Variants in PLD2 observed in about 807,000 individuals in gnomAD.
The protein encoded by PLD2 is phospholipase D2, also known as choline phosphatase 2.
A neutral mutation model predicts 119.8 loss-of-function variants in PLD2; 101 were observed. The ratio of observed to expected loss-of-function variants is 0.84; its 90% CI spans 0.72 to 0.99. The LOEUF is 0.99. PLD2 is among the 50% of genes least tolerant of loss of function. The pLI, the probability that PLD2 is intolerant of heterozygous loss-of-function variation, is 0.00. For synonymous variants in PLD2, 494 were observed against 482.8 expected (o/e 1.02, Z -0.30); for missense variants, 1,164 against 1,226.8 (o/e 0.95, Z 0.76).
chr17:4,821,981 G>C (rs973532057), intron 24 of PLD2, 74 bp downstream of exon 24: 3 of 912,636 alleles, frequency 3.3e-6, no homozygotes, highest in Non-Finnish European at 5.4e-6. Flanking sequence ...GTAGGATGGA[G>C]AGAAGCGCCA....
Position 4,809,130 on chromosome 17 carries a change from T to G in PLD2, c.414T>G (p.Asp138Glu). The G allele has an allele frequency of 6.2e-7, 1 of 1,614,112 alleles. No individual in the cohort carries two copies. Reference protein sequence around the residue: ...RFAVAYSPARDAGNREMPSLP... With the variant: ...RFAVAYSPAREAGNREMPSLP... ...CCGTTGCCTATTCTCCAGCCCGAGATGCAGGCAACAGAGAGATGCCCTCTC... is the reference window on the plus strand; with the variant it reads ...CCGTTGCCTATTCTCCAGCCCGAGAGGCAGGCAACAGAGAGATGCCCTCTC... The change falls in exon 5 of 25, where the codon GAT (aspartate) becomes GAG (glutamate). Residue 138 changes from aspartate (D) to glutamate (E), a missense_variant. By Grantham distance (45) the Asp-to-Glu change is conservative (BLOSUM62 2). Coordinates refer to ENST00000263088, the MANE Select transcript of PLD2 (RefSeq NM_002663.5).
At chr17:4,818,183 T>A in intron 18 of PLD2, 77 bp downstream of exon 18, 7 of 1,410,232 alleles carry the variant, frequency 5.0e-6, no homozygotes, top group East Asian at 2.3e-5. Flanking sequence ...GTGGAGTCAG[T>A]CATTGAGGGC....
rs777349144 is a variant in PLD2 at position 4,818,336 on chromosome 17, C to T, written c.1960C>T (p.Leu654=). The stretch of plus-strand genomic sequence containing the variant: ...TAGCTGCTCAGATGGGCGGACGGTT[C>T]TGAACAAGGTGGGCGATGAGATTGT... The part of the protein sequence containing the change: ...FISCSDGRTV[L]NKVGDEIVDR... Residue 654 remains leucine, a synonymous_variant, in exon 19 of 25, where the codon CTG becomes TTG. Transcript: ENST00000263088. The T allele has an allele frequency of 5.6e-6, 9 of 1,614,150 alleles. No homozygotes were observed. The South Asian group carries it at 9.9e-5, about 18-fold the overall frequency.
In PLD2 at chr17:4,814,516, G is replaced by A. The variant is rs1454620775; in HGVS notation, c.1094+15G>A. 2 of 1,612,906 alleles carry A rather than the reference G, an allele frequency of 1.2e-6. No individual in the cohort carries two copies. The highest frequency in any genetic ancestry group is 1.7e-6 in the Non-Finnish European group (2 of 1,179,544). On this transcript the variant is annotated intron_variant, in intron 11 of 24. Transcript: ENST00000263088. Reference sequence around the variant, plus strand: ...ACAGACTGGTGGTGAGTGGGAAAAGGCCCCAACAACATGGGGCAGGATAGA... The same window carrying A: ...ACAGACTGGTGGTGAGTGGGAAAAGACCCCAACAACATGGGGCAGGATAGA...
chr17:4,820,380 G>A (rs1400219214), intron 23 of PLD2, among the ~76,000 whole-genome samples: 1 of 149,318 alleles, frequency 6.7e-6, no homozygotes, highest in African/African-American at 2.5e-5. Context: ...CAATTCTTCT[G>A]CCTCAGCCTC....
intron 23 of PLD2, chr17:4,821,534 T>C (rs4790709): frequency 0.55 from 162,068 of 293,028 alleles, 48,041 homozygotes; most frequent in East Asian, 0.92. Context: ...GCTGGGACTA[T>C]AGGCACATGC....
rs913431152 is a variant in PLD2 at position 4,808,579 on chromosome 17, G to C, written c.383+163G>C. ...AAACTTTCCCTGCTCAGCTTTCCCT[G>C]TCCATGGTTCTGTGCCAGCATCTCA... On this transcript the variant is annotated intron_variant, in intron 4 of 24. Transcript: ENST00000263088. The surrounding 1 kb of genome is among the most constrained non-coding windows in gnomAD (Gnocchi z 4.1). 2.6e-5 allele frequency: 18 copies of C among 680,054 alleles called. No homozygotes were observed. Among genetic ancestry groups the C allele is most frequent in the African/African-American group, 5.4e-5 (3 of 55,666 alleles). 42.1% of individuals were successfully genotyped at this position (680,054 alleles called of 1,614,324 possible).
chr17:4,821,441 T>G (rs967355237), intron 23 of PLD2, among the ~76,000 whole-genome samples: 2 of 152,112 alleles, frequency 1.3e-5, no homozygotes, highest in Admixed American at 6.6e-5. Flanking sequence ...GTCACCCAGC[T>G]AGAGTTCAGT....
At chr17:4,821,392 T>TTTTG (rs1283012299) in intron 23 of PLD2, among the ~76,000 whole-genome samples, 6 of 151,962 alleles carry the variant, frequency 3.9e-5, no homozygotes, top group Non-Finnish European at 5.9e-5. Flanking sequence ...TTTATTTTGT[T>TTTTG]TTTGTTTGTT....
intron 10 of PLD2, among the ~76,000 whole-genome samples, chr17:4,811,990 A>AT (rs1050259747): frequency 3.5e-5 from 5 of 144,798 alleles, no homozygotes; most frequent in African/African-American, 5.1e-5. Context: ...AATTAAAAAC[A>AT]TTTTTTTTTA....
At position 4,817,230 on chromosome 17, in the gene PLD2, C is replaced by T; in HGVS notation, c.1786C>T (p.Leu596Phe). 1 of 1,613,362 alleles carries T rather than the reference C, an allele frequency of 6.2e-7. No homozygotes were observed. Among genetic ancestry groups the T allele is most frequent in the Non-Finnish European group, 8.5e-7 (1 of 1,179,324 alleles). The stretch of plus-strand genomic sequence containing the variant: ...CACGGCCAATCAGCTCCCCTTCACA[C>T]TTCCAGGAGGGCAGTGCACCACCGT... ...TSTANQLPFT[L>F]PGGQCTTVQV... Residue 596 changes from leucine (L) to phenylalanine (F), a missense_variant, in exon 17 of 25, where the codon CTT becomes TTT. Leu to Phe is a conservative substitution (Grantham distance 22). Coordinates refer to ENST00000263088, the MANE Select transcript of PLD2 (RefSeq NM_002663.5).
chr17:4,808,310 C>G lies in PLD2; in HGVS notation c.277C>G (p.His93Asp), dbSNP rs1178429456. ...CACTCTGTATTCTGTCCGCTTGACT[C>G]ACGGCGACTTTTCCTGGACAACCAA... ...TCTLYSVRLTHGDFSWTTKKK... is the reference protein window; with the variant it reads ...TCTLYSVRLTDGDFSWTTKKK... The change falls in exon 4 of 25, where the codon CAC becomes GAC. Residue 93 changes from histidine (H) to aspartate (D), a missense_variant. Transcript: ENST00000263088. The surrounding 1 kb of genome is among the most constrained non-coding windows in gnomAD (Gnocchi z 4.1). 1 of 1,613,984 alleles carries G rather than the reference C, an allele frequency of 6.2e-7. No homozygotes were observed. Among genetic ancestry groups the G allele is most frequent in the African/African-American group, 1.3e-5 (1 of 74,918 alleles).
chr17:4,822,727 C>T lies in PLD2; in HGVS notation c.2665C>T (p.Pro889Ser), dbSNP rs200384556. The T allele has an allele frequency of 2.5e-6, 4 of 1,613,762 alleles. No individual in the cohort carries two copies. The highest frequency in any genetic ancestry group is 1.7e-4 in the Middle Eastern group (1 of 6,060). ...VAVEPLATVS[P>S]PLARSELTQV... ...CGTGGAGCCCTTGGCCACGGTCAGT[C>T]CCCCCTTGGCTCGGTCTGAGCTCAC... The change falls in exon 25 of 25, where the codon CCC (proline) becomes TCC (serine). Residue 889 changes from proline to serine, a missense_variant. Coordinates refer to ENST00000263088, the MANE Select transcript of PLD2 (RefSeq NM_002663.5).
At chr17:4,811,204 T>C (rs1906429469) in intron 10 of PLD2, among the ~76,000 whole-genome samples, 1 of 152,074 alleles carries the variant, frequency 6.6e-6, no homozygotes, top group East Asian at 1.9e-4. Flanking sequence ...TATAACCTTT[T>C]AAACCCCTCT....
At position 4,808,986 on chromosome 17, in the gene PLD2, G is replaced by T. The variant is rs1473628959; in HGVS notation, c.384-114G>T. On this transcript the variant is annotated intron_variant, in intron 4 of 24. Coordinates refer to ENST00000263088, the MANE Select transcript of PLD2 (RefSeq NM_002663.5). The surrounding 1 kb of genome is among the most constrained non-coding windows in gnomAD (Gnocchi z 4.1). Reference sequence around the variant, plus strand: ...TGGGATTCCAGGCGTGAGCCACCACGCCTGGCCACCTCCAGGCCTCTTCTT... The same window carrying T: ...TGGGATTCCAGGCGTGAGCCACCACTCCTGGCCACCTCCAGGCCTCTTCTT... The T allele has an allele frequency of 5.0e-6, 4 of 794,030 alleles. No individual in the cohort carries two copies. Among genetic ancestry groups the T allele is most frequent in the African/African-American group, 1.7e-5 (1 of 58,532 alleles). 49.2% of individuals were successfully genotyped at this position (794,030 alleles called of 1,614,324 possible). A position where few individuals can be genotyped will look rare whatever the true frequency, so the allele number is the denominator to read the frequency against.
chr17:4,818,207 G>T, intron 18 of PLD2, 90 bp from the exon 19 acceptor site: 3 of 1,426,674 alleles, frequency 2.1e-6, no homozygotes, highest in Non-Finnish European at 3.0e-6. Context: ...TGGAGCAGAA[G>T]CAGACGCCTG....
At chr17:4,818,913 G>A in intron 21 of PLD2, 90 bp downstream of exon 21, 1 of 1,491,898 alleles carries the variant, frequency 6.7e-7, no homozygotes, top group Non-Finnish European at 9.2e-7. Context: ...GAAGGAGGCT[G>A]TCACTCCTGT....
At position 4,818,056 on chromosome 17, in the gene PLD2, A is replaced by G. The variant is rs1173214241; in HGVS notation, c.1870A>G (p.Asn624Asp). Residue 624 changes from asparagine to aspartate, a missense_variant, in exon 18 of 25, where the codon AAT becomes GAT. Coordinates refer to ENST00000263088, the MANE Select transcript of PLD2 (RefSeq NM_002663.5). ...AGGGACTCTGGAGAACTCCATCCTC[A>G]ATGCCTACCTGCACACCATCAGGGA... ...SAGTLENSILNAYLHTIRESQ... is the reference protein window; with the variant it reads ...SAGTLENSILDAYLHTIRESQ... 2 of 1,614,032 alleles carry G rather than the reference A, an allele frequency of 1.2e-6. No individual in the cohort carries two copies. The highest frequency in any genetic ancestry group is 1.3e-5 in the African/African-American group (1 of 74,938).
At chr17:4,815,393 A>G (rs1906865221) in intron 12 of PLD2, 83 bp from the exon 13 acceptor site, 2 of 819,542 alleles carry the variant, frequency 2.4e-6, no homozygotes, top group Non-Finnish European at 4.3e-6. Context: ...AGCTGGAGGG[A>G]CACACGTGGA....
Sources: gnomAD v4.1 joint callset for allele counts (sites outside exome capture counted in the v4.1 genomes callset) on GRCh38, gnomAD v4.1.1 for gene constraint, Gnocchi (gnomAD v3.1) non-coding constraint, MANE v1.5 for transcripts, NCBI Gene and HGNC (gene_info 2026-07-23, HGNC 2026-07-21) for gene names.